OR2G2: variants seen among roughly 807,000 people sequenced by gnomAD.
The protein encoded by OR2G2 is olfactory receptor family 2 subfamily G member 2.
For missense variants in OR2G2, 460 were observed against 389.7 expected (o/e 1.18, Z -1.52); for synonymous variants, 176 against 152.4 (o/e 1.16, Z -1.14).
rs1558270439 is a variant in OR2G2, at chr1:247,588,967, T to C, written c.608T>C (p.Phe203Ser). 18 of 1,614,260 alleles carry C rather than the reference T, an allele frequency of 1.1e-5. No homozygotes were observed. Among genetic ancestry groups the C allele is most frequent in the East Asian group, 2.2e-5 (1 of 44,894 alleles). ...ACCACGTTTAACGAGGCTGAGCTTT[T>C]TGTGGCTAGTATCCTTTTCCTTATA... ...VGTTFNEAEL[F>S]VASILFLIVP... The change falls in exon 1 of 1, where the codon TTT becomes TCT. Residue 203 changes from phenylalanine (F) to serine (S), a missense_variant. Transcript: ENST00000320065.
chr1:247,589,086 A>G lies in OR2G2; in HGVS notation c.727A>G (p.Thr243Ala). 1.9e-6 allele frequency: 3 copies of G among 1,614,144 alleles called. No homozygotes were observed. Among genetic ancestry groups the G allele is most frequent in the African/African-American group, 2.7e-5 (2 of 75,032 alleles). The change falls in exon 1 of 1, where the codon ACC becomes GCC. Residue 243 changes from threonine (T) to alanine (A), a missense_variant. Transcript: ENST00000320065. ...SATRRQKAFG[T>A]CFSHLTVVTI... is the part of the protein sequence containing the mutation. ...TACCAGGAGACAGAAAGCATTCGGG[A>G]CCTGCTTCTCCCACCTGACAGTGGT...
At position 247,588,756 on chromosome 1, in the gene OR2G2, C is replaced by T. The variant is rs759419245; in HGVS notation, c.397C>T (p.Leu133Phe). Reference protein sequence around the residue: ...CDRYVAVCRPLHYTVLMHIHL... With the variant: ...CDRYVAVCRPFHYTVLMHIHL... ...CCGCTATGTGGCTGTCTGCCGTCCT[C>T]TCCATTACACTGTCTTAATGCATAT... The change falls in exon 1 of 1, where the codon CTC (leucine) becomes TTC (phenylalanine). Residue 133 changes from leucine (L) to phenylalanine (F), a missense_variant. Physicochemically the swap from Leu to Phe is conservative, Grantham distance 22. Coordinates refer to ENST00000320065, the MANE Select transcript of OR2G2 (RefSeq NM_001001915.1). 4.3e-6 allele frequency: 7 copies of T among 1,614,084 alleles called. No homozygotes were observed. The highest frequency in any genetic ancestry group is 1.1e-5 in the South Asian group (1 of 91,088).
rs1669080694 is a variant in OR2G2, at chr1:247,588,837, C to T, written c.478C>T (p.Leu160=). The change falls in exon 1 of 1, where the codon CTG becomes TTG. Residue 160 remains leucine, a synonymous_variant. Coordinates refer to ENST00000320065, the MANE Select transcript of OR2G2 (RefSeq NM_001001915.1). ...MAWLSGIATT[L]VQSTLTLQLP... ...ATGGCTCAGTGGAATAGCCACCACCCTGGTACAGTCCACCCTCACCCTGCA... is the reference window on the plus strand; with the variant it reads ...ATGGCTCAGTGGAATAGCCACCACCTTGGTACAGTCCACCCTCACCCTGCA... 1 of 1,614,198 alleles carries T rather than the reference C, an allele frequency of 6.2e-7. No individual in the cohort carries two copies. Among genetic ancestry groups the T allele is most frequent in the African/African-American group, 1.3e-5 (1 of 75,068 alleles).
chr1:247,588,457 T>C lies in OR2G2; in HGVS notation c.98T>C (p.Leu33Pro), dbSNP rs1342332194. The C allele has an allele frequency of 3.1e-6, 5 of 1,613,904 alleles. No individual in the cohort carries two copies. Among genetic ancestry groups the C allele is most frequent in the Non-Finnish European group, 4.2e-6 (5 of 1,179,748 alleles). ...YPQLQKVLFVLILILYLLTIL... is the reference protein window; with the variant it reads ...YPQLQKVLFVPILILYLLTIL... Reference sequence around the variant, plus strand: ...CAGTTACAGAAGGTTCTATTTGTGCTCATATTGATTCTGTATTTACTAACT... The same window carrying C: ...CAGTTACAGAAGGTTCTATTTGTGCCCATATTGATTCTGTATTTACTAACT... Residue 33 changes from leucine (L) to proline (P), a missense_variant, in exon 1 of 1, where the codon CTC (leucine) becomes CCC (proline). By Grantham distance (98) the Leu-to-Pro change is moderately conservative. Coordinates refer to ENST00000320065, the MANE Select transcript of OR2G2 (RefSeq NM_001001915.1).
Position 247,588,833 on chromosome 1 carries a change from C to T in OR2G2, c.474C>T (p.Thr158=). 5 of 1,614,194 alleles carry T rather than the reference C, an allele frequency of 3.1e-6. No individual in the cohort carries two copies. Among genetic ancestry groups the T allele is most frequent in the Non-Finnish European group, 4.2e-6 (5 of 1,180,024 alleles). ...TGGCATGGCTCAGTGGAATAGCCAC[C>T]ACCCTGGTACAGTCCACCCTCACCC... ...ASMAWLSGIA[T]TLVQSTLTLQ... Residue 158 remains threonine (T), a synonymous_variant, in exon 1 of 1, where the codon ACC becomes ACT. Transcript: ENST00000320065.
Position 247,588,470 on chromosome 1 carries a change from G to T in OR2G2, c.111G>T (p.Leu37=). The T allele has an allele frequency of 6.2e-7, 1 of 1,614,000 alleles. No homozygotes were observed. Among genetic ancestry groups the T allele is most frequent in the African/African-American group, 1.3e-5 (1 of 75,026 alleles). ...TTCTATTTGTGCTCATATTGATTCT[G>T]TATTTACTAACTATTTTGGGGAATA... ...QKVLFVLILI[L]YLLTILGNTT... Residue 37 remains leucine (L), a synonymous_variant, in exon 1 of 1, where the codon CTG becomes CTT. Transcript: ENST00000320065.
Position 247,589,071 on chromosome 1 carries a change from CAG to C in OR2G2, c.714_715del (p.Lys239SerfsTer30), listed in dbSNP as rs1558270525. 3.1e-6 allele frequency: 5 copies of C among 1,614,070 alleles called. No homozygotes were observed. In the Admixed American group the frequency reaches 8.3e-5, roughly 27 times the overall value. Reference protein sequence around the residue: ...VLRIKSATRRQKAFGTCFSHL... With the variant: ...VLRIKSATRRXKAFGTCFSHL... ...GAGGATTAAGTCAGCTACCAGGAGA[CAG>C]AAAGCATTCGGGACCTGCTTCTCCC... On this transcript the variant is annotated frameshift_variant, in exon 1 of 1. Transcript: ENST00000320065. LOFTEE classifies it low-confidence loss of function (END_TRUNC).
Position 247,588,655 on chromosome 1 carries a change from G to A in OR2G2, c.296G>A (p.Gly99Asp). 6.2e-7 allele frequency: 1 copy of A among 1,614,176 alleles called. No homozygotes were observed. Among genetic ancestry groups the A allele is most frequent in the Non-Finnish European group, 8.5e-7 (1 of 1,180,042 alleles). ...CCCATGAAAACTATCGCCTATGGTGGCTGTTTGGTTCACCTTTACAACTCC... is the reference window on the plus strand; with the variant it reads ...CCCATGAAAACTATCGCCTATGGTGACTGTTTGGTTCACCTTTACAACTCC... ...WEPMKTIAYG[G>D]CLVHLYNSHA... The change falls in exon 1 of 1, where the codon GGC (glycine) becomes GAC (aspartate). Residue 99 changes from glycine to aspartate, a missense_variant. Transcript: ENST00000320065.
In OR2G2 at chr1:247,588,822, G is replaced by C. The variant is rs1431580187; in HGVS notation, c.463G>C (p.Gly155Arg). 1.2e-6 allele frequency: 2 copies of C among 1,614,048 alleles called. No individual in the cohort carries two copies. The highest frequency in any genetic ancestry group is 1.7e-6 in the Non-Finnish European group (2 of 1,180,040). ...MALASMAWLS[G>R]IATTLVQSTL... ...CTTGGCATCTATGGCATGGCTCAGT[G>C]GAATAGCCACCACCCTGGTACAGTC... Residue 155 changes from glycine (G) to arginine (R), a missense_variant, in exon 1 of 1, where the codon GGA becomes CGA. By Grantham distance (125) the Gly-to-Arg change is moderately radical. Coordinates refer to ENST00000320065, the MANE Select transcript of OR2G2 (RefSeq NM_001001915.1).
chr1:247,588,456 C>T lies in OR2G2; in HGVS notation c.97C>T (p.Leu33Phe), dbSNP rs889173389. The T allele has an allele frequency of 8.7e-6, 14 of 1,613,670 alleles. No individual in the cohort carries two copies. Among genetic ancestry groups the T allele is most frequent in the Admixed American group, 1.7e-5 (1 of 60,008 alleles). ...TCAGTTACAGAAGGTTCTATTTGTG[C>T]TCATATTGATTCTGTATTTACTAAC... Reference protein sequence around the residue: ...YPQLQKVLFVLILILYLLTIL... With the variant: ...YPQLQKVLFVFILILYLLTIL... Residue 33 changes from leucine (L) to phenylalanine (F), a missense_variant, in exon 1 of 1, where the codon CTC becomes TTC. Leu to Phe is a conservative substitution (Grantham distance 22). Coordinates refer to ENST00000320065, the MANE Select transcript of OR2G2 (RefSeq NM_001001915.1).
Position 247,588,478 on chromosome 1 carries a change from T to C in OR2G2, c.119T>C (p.Leu40Pro). The stretch of plus-strand genomic sequence containing the variant: ...GTGCTCATATTGATTCTGTATTTAC[T>C]AACTATTTTGGGGAATACCACCATC... The part of the protein sequence containing the change: ...LFVLILILYL[L>P]TILGNTTIIL... Residue 40 changes from leucine (L) to proline (P), a missense_variant, in exon 1 of 1, where the codon CTA becomes CCA. Coordinates refer to ENST00000320065, the MANE Select transcript of OR2G2 (RefSeq NM_001001915.1). 1 of 1,613,888 alleles carries C rather than the reference T, an allele frequency of 6.2e-7. No individual in the cohort carries two copies. The highest frequency in any genetic ancestry group is 8.5e-7 in the Non-Finnish European group (1 of 1,179,748).
In OR2G2 at chr1:247,588,600, A is replaced by G; in HGVS notation, c.241A>G (p.Ile81Val). The stretch of plus-strand genomic sequence containing the variant: ...GTACCGCTGCTTCACCAGCAGTGTT[A>G]TTCCCCAGCTCCTGGTAAACCTGTG... ...FLYRCFTSSV[I>V]PQLLVNLWEP... The change falls in exon 1 of 1, where the codon ATT becomes GTT. Residue 81 changes from isoleucine to valine, a missense_variant. Physicochemically the swap from Ile to Val is conservative, Grantham distance 29 (BLOSUM62 3). Coordinates refer to ENST00000320065, the MANE Select transcript of OR2G2 (RefSeq NM_001001915.1). 1.2e-6 allele frequency: 2 copies of G among 1,614,088 alleles called. No individual in the cohort carries two copies. Among genetic ancestry groups the G allele is most frequent in the Non-Finnish European group, 1.7e-6 (2 of 1,180,006 alleles).
rs752085642 is a variant in OR2G2, at chr1:247,588,614, G to A, written c.255G>A (p.Leu85=). The A allele has an allele frequency of 5.0e-6, 8 of 1,614,094 alleles. No homozygotes were observed. The East Asian group carries it at 1.6e-4, about 31-fold the overall frequency. ...CFTSSVIPQL[L]VNLWEPMKTI... ...CCAGCAGTGTTATTCCCCAGCTCCT[G>A]GTAAACCTGTGGGAACCCATGAAAA... Residue 85 remains leucine (L), a synonymous_variant, in exon 1 of 1, where the codon CTG becomes CTA. Coordinates refer to ENST00000320065, the MANE Select transcript of OR2G2 (RefSeq NM_001001915.1).
chr1:247,589,230 C>G lies in OR2G2; in HGVS notation c.871C>G (p.Leu291Val). 6.2e-7 allele frequency: 1 copy of G among 1,613,978 alleles called. No individual in the cohort carries two copies. The highest frequency in any genetic ancestry group is 8.5e-7 in the Non-Finnish European group (1 of 1,179,958). Residue 291 changes from leucine to valine, a missense_variant, in exon 1 of 1, where the codon CTT becomes GTT. Transcript: ENST00000320065. ...YTVVTRMLNP[L>V]IYTLRIKEVK... The stretch of plus-strand genomic sequence containing the variant: ...TGTGGTAACCCGCATGCTTAACCCT[C>G]TTATTTATACCTTGAGGATCAAGGA...
rs146859639 is a variant in OR2G2, at chr1:247,588,649, A to G, written c.290A>G (p.Tyr97Cys). Residue 97 changes from tyrosine to cysteine, a missense_variant, in exon 1 of 1, where the codon TAT becomes TGT. Tyr to Cys is a radical substitution (Grantham distance 194). Transcript: ENST00000320065. ...TGGGAACCCATGAAAACTATCGCCT[A>G]TGGTGGCTGTTTGGTTCACCTTTAC... ...NLWEPMKTIA[Y>C]GGCLVHLYNS... The G allele has an allele frequency of 6.9e-5, 112 of 1,614,108 alleles. No homozygotes were observed. The highest frequency in any genetic ancestry group is 8.7e-5 in the Non-Finnish European group (103 of 1,180,054).
Position 247,589,229 on chromosome 1 carries a change from T to A in OR2G2, c.870T>A (p.Pro290=). Residue 290 remains proline, a synonymous_variant, in exon 1 of 1, where the codon CCT becomes CCA. Transcript: ENST00000320065. ...FYTVVTRMLN[P]LIYTLRIKEV... ...CTGTGGTAACCCGCATGCTTAACCC[T>A]CTTATTTATACCTTGAGGATCAAGG... 1 of 1,614,044 alleles carries A rather than the reference T, an allele frequency of 6.2e-7. No individual in the cohort carries two copies. Among genetic ancestry groups the A allele is most frequent in the Non-Finnish European group, 8.5e-7 (1 of 1,179,964 alleles).
At position 247,588,376 on chromosome 1, in the gene OR2G2, A is replaced by G; in HGVS notation, c.17A>G (p.His6Arg). 1 of 1,606,466 alleles carries G rather than the reference A, an allele frequency of 6.2e-7. No homozygotes were observed. Among genetic ancestry groups the G allele is most frequent in the South Asian group, 1.1e-5 (1 of 89,840 alleles). Reference sequence around the variant, plus strand: ...ACTTTACATATGGGGATGGTGAGACATACCAATGAGAGCAACCTAGCAGGT... The same window carrying G: ...ACTTTACATATGGGGATGGTGAGACGTACCAATGAGAGCAACCTAGCAGGT... MGMVR[H>R]TNESNLAGFI... The change falls in exon 1 of 1, where the codon CAT becomes CGT. Residue 6 changes from histidine (H) to arginine (R), a missense_variant. Physicochemically the swap from His to Arg is conservative, Grantham distance 29. Coordinates refer to ENST00000320065, the MANE Select transcript of OR2G2 (RefSeq NM_001001915.1).
chr1:247,589,145 T>G lies in OR2G2; in HGVS notation c.786T>G (p.Tyr262Ter), dbSNP rs1440605040. The change falls in exon 1 of 1, where the codon TAT becomes TAG. Residue 262 changes from tyrosine to a stop codon, truncating the protein, a stop_gained. Coordinates refer to ENST00000320065, the MANE Select transcript of OR2G2 (RefSeq NM_001001915.1). LOFTEE classifies it low-confidence loss of function (END_TRUNC). ...TIFYGTIIFM[Y>*]LQPAKSRSRD... is the part of the protein sequence containing the mutation. Reference sequence around the variant, plus strand: ...TTTATGGAACCATCATCTTCATGTATCTGCAGCCAGCCAAGAGTAGATCCA... The same window carrying G: ...TTTATGGAACCATCATCTTCATGTAGCTGCAGCCAGCCAAGAGTAGATCCA... 1 of 1,614,108 alleles carries G rather than the reference T, an allele frequency of 6.2e-7. No homozygotes were observed. Among genetic ancestry groups the G allele is most frequent in the South Asian group, 1.1e-5 (1 of 91,086 alleles).
In OR2G2 at chr1:247,588,609, C is replaced by A; in HGVS notation, c.250C>A (p.Leu84Ile). Residue 84 changes from leucine to isoleucine, a missense_variant, in exon 1 of 1, where the codon CTC becomes ATC. Physicochemically the swap from Leu to Ile is conservative, Grantham distance 5. Coordinates refer to ENST00000320065, the MANE Select transcript of OR2G2 (RefSeq NM_001001915.1). Reference sequence around the variant, plus strand: ...CTTCACCAGCAGTGTTATTCCCCAGCTCCTGGTAAACCTGTGGGAACCCAT... The same window carrying A: ...CTTCACCAGCAGTGTTATTCCCCAGATCCTGGTAAACCTGTGGGAACCCAT... ...RCFTSSVIPQ[L>I]LVNLWEPMKT... is the part of the protein sequence containing the mutation. 1 of 1,614,212 alleles carries A rather than the reference C, an allele frequency of 6.2e-7. No individual in the cohort carries two copies. Among genetic ancestry groups the A allele is most frequent in the Non-Finnish European group, 8.5e-7 (1 of 1,180,038 alleles).
Sources: allele counts gnomAD v4.1 joint callset, GRCh38; gene constraint gnomAD v4.1.1; transcripts MANE v1.5; gene names NCBI Gene and HGNC (gene_info 2026-07-23, HGNC 2026-07-21).